ADAM19: variants seen among roughly 807,000 people sequenced by gnomAD.
The protein encoded by ADAM19 is disintegrin and metalloproteinase domain-containing protein 19.
In ADAM19, 65 loss-of-function variants were observed where a neutral mutation model predicts 114.7. The ratio of observed to expected loss-of-function variants is 0.57; its 90% confidence interval spans 0.46 to 0.70. ADAM19 has a LOEUF of 0.70. Among genes scored for constraint, ADAM19 ranks in the 30% least tolerant of loss-of-function variants. The pLI, the probability that ADAM19 is intolerant of heterozygous loss-of-function variation, is 0.00. For synonymous variants in ADAM19, 466 were observed against 460.5 expected, an observed-to-expected ratio of 1.01 and a Z score of -0.15; for missense variants, 1,063 against 1,204.7, an observed-to-expected ratio of 0.88 and a Z score of 1.74.
At chr5:157,531,928 C>G (rs1367362524) in intron 4 of ADAM19, among the ~76,000 whole-genome samples, 1 of 152,130 alleles carries the variant, frequency 6.6e-6, no homozygotes, top group Non-Finnish European at 1.5e-5. Flanking sequence ...ATGGCCCCGA[C>G]AACATCTTGA....
In ADAM19 at chr5:157,498,688, G is replaced by GTGTATATATA. The variant is rs143445264; in HGVS notation, c.1398+884_1398+885insTATATATACA. Among the ~76,000 whole-genome samples the GTGTATATATA allele has an allele frequency of 1.5e-4, 22 of 143,882 alleles. 1 individual carries two copies. The East Asian group carries it at 3.6e-3, about 24-fold the overall frequency. The allele number at this position is 143,882 out of a possible 152,430, so 94.4% of individuals were successfully genotyped here. A position where few individuals can be genotyped will look rare whatever the true frequency, so the allele number is the denominator to read the frequency against. ...CATATATAATTACACATGTGTGTAT[G>GTGTATATATA]TATATATATATATATATATATATGG... On this transcript the variant is annotated intron_variant, in intron 13 of 22. Coordinates refer to ENST00000257527, the MANE Select transcript of ADAM19 (RefSeq NM_033274.5).
intron 2 of ADAM19, among the ~76,000 whole-genome samples, chr5:157,570,139 A>G (rs536115175): frequency 6.6e-6 from 1 of 152,296 alleles, no homozygotes. Context: ...ACACACATGT[A>G]ATCTCAGCTA....
Position 157,478,429 on chromosome 5 carries a change from G to A in ADAM19, c.*2520C>T, listed in dbSNP as rs1341830632. 2.2e-5 allele frequency: 7 copies of A among 322,946 alleles called. No homozygotes were observed. In the South Asian group the frequency reaches 6.1e-4, roughly 28 times the overall value. The allele number at this position is 322,946 out of a possible 1,614,324, so 20.0% of individuals were successfully genotyped here. A position where few individuals can be genotyped will look rare whatever the true frequency, so the allele number is the denominator to read the frequency against. On this transcript the variant is annotated 3_prime_UTR_variant, in exon 23 of 23. Coordinates refer to ENST00000257527, the MANE Select transcript of ADAM19 (RefSeq NM_033274.5). Reference sequence around the variant, plus strand: ...TGAGACGCTTGCAGATCTTGCCATCGGTCGGTCTGAGCCTTTTCACTATTC... The same window carrying A: ...TGAGACGCTTGCAGATCTTGCCATCAGTCGGTCTGAGCCTTTTCACTATTC...
intron 5 of ADAM19, among the ~76,000 whole-genome samples, chr5:157,530,280 A>T (rs1175505336): frequency 6.6e-6 from 1 of 152,146 alleles, no homozygotes; most frequent in Non-Finnish European, 1.5e-5. Flanking sequence ...CCCCAGAACC[A>T]GGTATAGGAC....
In ADAM19 at chr5:157,539,829, T is replaced by C. The variant is rs181717014; in HGVS notation, c.252-1838A>G. 5.8e-4 allele frequency among the ~76,000 whole-genome samples: 88 copies of C among 152,300 alleles called. 1 individual carries two copies. Among genetic ancestry groups the C allele is most frequent in the African/African-American group, 2.0e-3 (82 of 41,562 alleles). On this transcript the variant is annotated intron_variant, in intron 3 of 22. Transcript: ENST00000257527. ...CTCATGAGGGCAGAGGCCAAGCAGT[T>C]TTGCTCACTGGTTTATGTCAGTGCT...
intron 8 of ADAM19, among the ~76,000 whole-genome samples, chr5:157,510,456 G>A (rs1024145071): frequency 2.0e-5 from 3 of 152,140 alleles, no homozygotes; most frequent in Admixed American, 6.5e-5. Context: ...CCTGGGCCAC[G>A]GGCGAAACTC....
chr5:157,517,266 G>A (rs187106140), intron 7 of ADAM19, among the ~76,000 whole-genome samples: 3 of 152,202 alleles, frequency 2.0e-5, no homozygotes, highest in Non-Finnish European at 4.4e-5. Flanking sequence ...AGCTCTTTGG[G>A]AAGATGGTAG....
At chr5:157,517,623 C>T (rs987036247) in intron 7 of ADAM19, among the ~76,000 whole-genome samples, 1 of 152,178 alleles carries the variant, frequency 6.6e-6, no homozygotes, top group Non-Finnish European at 1.5e-5. Flanking sequence ...TAGTGCTTAT[C>T]ACACTTTGGA....
chr5:157,484,802 TG>T (rs1304466375), intron 21 of ADAM19, among the ~76,000 whole-genome samples: 2 of 152,204 alleles, frequency 1.3e-5, no homozygotes, highest in Non-Finnish European at 2.9e-5. Context: ...AGGTGACAGC[TG>T]GGTGCAGATG....
At chr5:157,527,300 TCCC>T (rs1315479069) in intron 5 of ADAM19, among the ~76,000 whole-genome samples, 1 of 152,088 alleles carries the variant, frequency 6.6e-6, no homozygotes, top group Non-Finnish European at 1.5e-5. Context: ...AAGCTCCGCC[TCCC>T]GGGTTCACGC....
At chr5:157,502,699 A>T in intron 12 of ADAM19, 104 bp downstream of exon 12, 1 of 1,310,398 alleles carries the variant, frequency 7.6e-7, no homozygotes, top group Non-Finnish European at 1.1e-6. Flanking sequence ...TATATGTAGG[A>T]AACACCTGTG....
In ADAM19 at chr5:157,519,879, G is replaced by T; in HGVS notation, c.560C>A (p.Ala187Asp). 2 of 1,614,082 alleles carry T rather than the reference G, an allele frequency of 1.2e-6. No homozygotes were observed. Among genetic ancestry groups the T allele is most frequent in the South Asian group, 2.2e-5 (2 of 91,070 alleles). The change falls in exon 6 of 23, where the codon GCT becomes GAT. Residue 187 changes from alanine to aspartate, a missense_variant. Around this residue, in one of 3 missense-constraint regions of ADAM19, gnomAD observed 615 missense variants for 706.3 expected, o/e 0.87. Coordinates refer to ENST00000257527, the MANE Select transcript of ADAM19 (RefSeq NM_033274.5). ...EHSKPTTRDW[A>D]LQFTQQTKKR... is the part of the protein sequence containing the mutation. ...CTTGGTCTGTTGTGTAAACTGAAGA[G>T]CCCAGTCCCTGGTGGTGGGCTTGGA...
chr5:157,564,566 T>C (rs1468678880), intron 2 of ADAM19, 123 bp from the exon 3 acceptor site: 1 of 816,438 alleles, frequency 1.2e-6, no homozygotes, highest in Non-Finnish European at 2.1e-6. Flanking sequence ...CAAAGGTCAA[T>C]TGCATTTCCA....
At position 157,481,053 on chromosome 5, in the gene ADAM19, A is replaced by G. The variant is rs547020419; in HGVS notation, c.2704-51T>C. The G allele has an allele frequency of 4.3e-5, 69 of 1,611,876 alleles. No individual in the cohort carries two copies. In the East Asian group the frequency reaches 1.1e-3, roughly 27 times the overall value. On this transcript the variant is annotated intron_variant, in intron 22 of 22. Transcript: ENST00000257527. ...AGAGACATCAGCTTGATGCTGATCA[A>G]TGGGATCAAGGGGGCAGCCATCCTC...
intron 3 of ADAM19, among the ~76,000 whole-genome samples, chr5:157,557,703 T>C (rs1010544565): frequency 6.6e-6 from 1 of 152,102 alleles, no homozygotes; most frequent in Non-Finnish European, 1.5e-5. Context: ...CTCTCTCCGG[T>C]TCATAGATGG....
chr5:157,534,154 A>G (rs1756700139), intron 4 of ADAM19, among the ~76,000 whole-genome samples: 1 of 152,014 alleles, frequency 6.6e-6, no homozygotes, highest in Admixed American at 6.6e-5. Context: ...TGTGATGATG[A>G]CACCTACAAC....
Position 157,519,923 on chromosome 5 carries a change from T to C in ADAM19, c.516A>G (p.Gly172=). The change falls in exon 6 of 23, where the codon GGA becomes GGG. Residue 172 remains glycine, a synonymous_variant. Transcript: ENST00000257527. ...YRSEHLKPPP[G]NCGFEHSKPT... ...GCTTGGAGTGCTCGAACCCACAGTTTCCCGGGGGCGGCTTGAGATGTTCAG... is the reference window on the plus strand; with the variant it reads ...GCTTGGAGTGCTCGAACCCACAGTTCCCCGGGGGCGGCTTGAGATGTTCAG... 6.2e-7 allele frequency: 1 copy of C among 1,614,070 alleles called. No individual in the cohort carries two copies. Among genetic ancestry groups the C allele is most frequent in the East Asian group, 2.2e-5 (1 of 44,878 alleles).
In ADAM19 at chr5:157,557,142, G is replaced by A. The variant is rs149113008; in HGVS notation, c.251+7231C>T. Among the ~76,000 whole-genome samples, 14 of 152,142 alleles carry A rather than the reference G, an allele frequency of 9.2e-5. No individual in the cohort carries two copies. The East Asian group carries it at 1.5e-3, about 17-fold the overall frequency. On this transcript the variant is annotated intron_variant, in intron 3 of 22. Transcript: ENST00000257527. ...AGGCTGGTCTCGAACTCCTGGGCTC[G>A]CGTGATCCACCCGGCTCAGCCTCCC...
chr5:157,488,105 G>A (rs963375656), intron 21 of ADAM19, among the ~76,000 whole-genome samples, 160 bp downstream of exon 21: 3 of 152,264 alleles, frequency 2.0e-5, no homozygotes, highest in Middle Eastern at 3.4e-3. Context: ...CCCCACGTTC[G>A]TTGCTCTAAC....
Sources: gnomAD v4.1 joint callset for allele counts (sites outside exome capture counted in the v4.1 genomes callset) on GRCh38, gnomAD v4.1.1 for gene constraint, gnomAD v4.1.1 regional missense constraint, MANE v1.5 for transcripts, NCBI Gene and HGNC (gene_info 2026-07-23, HGNC 2026-07-21) for gene names.